The following DCAF10 variants were observed in gnomAD, a reference collection of about 807,000 sequenced individuals.
The protein encoded by DCAF10 is DDB1 and CUL4 associated factor 10.
In DCAF10, 19 loss-of-function variants were observed where a neutral mutation model predicts 51.9. That is an observed-to-expected ratio of 0.37 (90% CI 0.26 to 0.54). The LOEUF is 0.54. DCAF10 is among the 20% of genes least tolerant of loss of function. The pLI, the probability that DCAF10 is intolerant of heterozygous loss-of-function variation, is 0.87. For synonymous variants in DCAF10, 291 were observed against 297.1 expected, an observed-to-expected ratio of 0.98 and a Z score of 0.21; for missense variants, 510 against 730.6, an observed-to-expected ratio of 0.70 and a Z score of 3.48.
intron 2 of DCAF10, among the ~76,000 whole-genome samples, chr9:37,826,132 A>C (rs776825036): frequency 1.1e-4 from 16 of 152,218 alleles, no homozygotes; most frequent in Non-Finnish European, 2.2e-4. Context: ...AAATGAGAAA[A>C]GGTATTTCAA....
rs529099609 is a variant in DCAF10 at position 37,865,575 on chromosome 9, T to C, written c.*4067T>C. 5.9e-5 allele frequency: 9 copies of C among 152,376 alleles called. No homozygotes were observed. Among genetic ancestry groups the C allele is most frequent in the African/African-American group, 2.2e-4 (9 of 41,596 alleles). 9.4% of individuals were successfully genotyped at this position (152,376 alleles called of 1,614,324 possible). On this transcript the variant is annotated 3_prime_UTR_variant, in exon 7 of 7. Transcript: ENST00000377724. ...TTAGTAAATGCAGTACAAATTGTTC[T>C]ACTGTTTTAAAAAGTTTTCCGCAGA...
chr9:37,862,668 A>AT lies in DCAF10; in HGVS notation c.*1161dup, dbSNP rs1352331811. 1.3e-5 allele frequency: 2 copies of AT among 152,252 alleles called. No homozygotes were observed. The highest frequency in any genetic ancestry group is 2.9e-5 in the Non-Finnish European group (2 of 68,056). The allele number at this position is 152,252 out of a possible 1,614,324, so 9.4% of individuals were successfully genotyped here. The stretch of plus-strand genomic sequence containing the variant: ...GTGTTTTGTTATGAAACACGCAAGC[A>AT]TAAAGCAGGACTCAAGCACAAGGCT... On this transcript the variant is annotated 3_prime_UTR_variant, in exon 7 of 7. Coordinates refer to ENST00000377724, the MANE Select transcript of DCAF10 (RefSeq NM_024345.5).
At chr9:37,821,391 A>T (rs1829696746) in intron 2 of DCAF10, among the ~76,000 whole-genome samples, 4 of 152,210 alleles carry the variant, frequency 2.6e-5, no homozygotes. Context: ...GAAACAAAAG[A>T]GATTGAACAA....
At chr9:37,825,022 TAAAAA>T (rs1829811088) in intron 2 of DCAF10, among the ~76,000 whole-genome samples, 1 of 152,098 alleles carries the variant, frequency 6.6e-6, no homozygotes, top group Non-Finnish European at 1.5e-5. Flanking sequence ...ATCAAGCAGA[TAAAAA>T]TTAGGCAGTA....
At chr9:37,804,536 G>A (rs1230032699) in intron 1 of DCAF10, among the ~76,000 whole-genome samples, 3 of 152,114 alleles carry the variant, frequency 2.0e-5, no homozygotes, top group African/African-American at 4.8e-5. Context: ...CAGCACTTTC[G>A]GAGGCTGAGG....
At chr9:37,815,719 TAATAG>T (rs112556904) in intron 1 of DCAF10, among the ~76,000 whole-genome samples, 4,447 of 151,946 alleles carry the variant, frequency 0.029, 214 homozygotes, top group African/African-American at 0.1. Flanking sequence ...AAACCCCAAA[TAATAG>T]AATAGTAAGA....
chr9:37,819,294 G>A lies in DCAF10; in HGVS notation c.546G>A (p.Val182=). ...ATGTGTCATTTGCTTTCAGGTCAGT[G>A]CTGACAGTTGCTTGTGAACAAACTG... ...FNLEYSPDGS[V]LTVACEQTEV... Residue 182 remains valine, a synonymous_variant, in exon 2 of 7, where the codon GTG becomes GTA. Transcript: ENST00000377724. 1 of 1,613,454 alleles carries A rather than the reference G, an allele frequency of 6.2e-7. No individual in the cohort carries two copies.
rs562138110 is a variant in DCAF10 at position 37,864,567 on chromosome 9, G to A, written c.*3059G>A. On this transcript the variant is annotated 3_prime_UTR_variant, in exon 7 of 7. Coordinates refer to ENST00000377724, the MANE Select transcript of DCAF10 (RefSeq NM_024345.5). ...CCACTGTACTCTAGCCTGACCAGCAGAGCGAGACTCTGCCTCAAAAAAAAA... is the reference window on the plus strand; with the variant it reads ...CCACTGTACTCTAGCCTGACCAGCAAAGCGAGACTCTGCCTCAAAAAAAAA... 2.7e-5 allele frequency: 4 copies of A among 146,520 alleles called. No individual in the cohort carries two copies. The highest frequency in any genetic ancestry group is 5.9e-5 in the Non-Finnish European group (4 of 67,336). The allele number at this position is 146,520 out of a possible 1,614,324, so 9.1% of individuals were successfully genotyped here. A position where few individuals can be genotyped will look rare whatever the true frequency, so the allele number is the denominator to read the frequency against.
At chr9:37,860,273 C>G (rs930497974) in intron 6 of DCAF10, 80 bp downstream of exon 6, 4 of 1,557,058 alleles carry the variant, frequency 2.6e-6, no homozygotes, top group Non-Finnish European at 3.5e-6. Context: ...TTAGGCCGAT[C>G]GCTGACTGCA....
At chr9:37,823,241 C>CT in intron 2 of DCAF10, among the ~76,000 whole-genome samples, 1 of 152,156 alleles carries the variant, frequency 6.6e-6, no homozygotes, top group East Asian at 1.9e-4. Flanking sequence ...GCTGAAGGGC[C>CT]TGAGACATCA....
At chr9:37,845,955 A>G (rs1038588191) in intron 3 of DCAF10, among the ~76,000 whole-genome samples, 6 of 152,208 alleles carry the variant, frequency 3.9e-5, no homozygotes, top group Admixed American at 1.3e-4. Flanking sequence ...CAAATAAGAG[A>G]GAACATTCTA....
intron 3 of DCAF10, among the ~76,000 whole-genome samples, chr9:37,846,323 T>C (rs1164003799): frequency 6.6e-6 from 1 of 152,072 alleles, no homozygotes; most frequent in Non-Finnish European, 1.5e-5. Flanking sequence ...GGAGATATCA[T>C]AACCAACCTT....
intron 2 of DCAF10, among the ~76,000 whole-genome samples, chr9:37,834,224 C>T (rs1324608205): frequency 1.3e-5 from 2 of 152,128 alleles, no homozygotes; most frequent in Non-Finnish European, 2.9e-5. Flanking sequence ...GGGAGTGAGA[C>T]ACTGTGCCCA....
At position 37,861,577 on chromosome 9, in the gene DCAF10, T is replaced by C. The variant is rs930903577; in HGVS notation, c.*69T>C. 1 of 1,528,764 alleles carries C rather than the reference T, an allele frequency of 6.5e-7. No individual in the cohort carries two copies. The allele number at this position is 1,528,764 out of a possible 1,614,324, so 94.7% of individuals were successfully genotyped here. A position where few individuals can be genotyped will look rare whatever the true frequency, so the allele number is the denominator to read the frequency against. ...AGGAATTGCTTCAATTTAGATGAAG[T>C]ATTTTCTTTTTAGAAGATCTTATAA... On this transcript the variant is annotated 3_prime_UTR_variant, in exon 7 of 7. Coordinates refer to ENST00000377724, the MANE Select transcript of DCAF10 (RefSeq NM_024345.5). The surrounding 1 kb of genome is among the most constrained non-coding windows in gnomAD (Gnocchi z 4.9).
rs114440035 is a variant in DCAF10, at chr9:37,815,517, C to T, written c.540-3771C>T. ...AAAATTAGCTGGGCATCATGGCACA[C>T]GCCTGCAGTCCCAGCTACCCAGGAG... On this transcript the variant is annotated intron_variant, in intron 1 of 6. Coordinates refer to ENST00000377724, the MANE Select transcript of DCAF10 (RefSeq NM_024345.5). Among the ~76,000 whole-genome samples the T allele has an allele frequency of 8.3e-3, 1,268 of 152,182 alleles. 14 individuals are homozygous for T. The highest frequency in any genetic ancestry group is 0.028 in the African/African-American group (1,176 of 41,514).
At chr9:37,823,676 A>G (rs1471657077) in intron 2 of DCAF10, among the ~76,000 whole-genome samples, 1 of 152,146 alleles carries the variant, frequency 6.6e-6, no homozygotes, top group East Asian at 1.9e-4. Context: ...TGCTAATCAC[A>G]TATGTAATTT....
intron 1 of DCAF10, among the ~76,000 whole-genome samples, chr9:37,809,756 C>T (rs1022517093): frequency 6.6e-6 from 1 of 152,194 alleles, no homozygotes; most frequent in Admixed American, 6.5e-5. Flanking sequence ...TCGCTTGAAC[C>T]CGAGGGGCGG....
At chr9:37,811,052 G>A (rs1193836146) in intron 1 of DCAF10, among the ~76,000 whole-genome samples, 2 of 152,168 alleles carry the variant, frequency 1.3e-5, no homozygotes, top group African/African-American at 4.8e-5. Flanking sequence ...ATATGCAGCT[G>A]AGTGCCGTGG....
At chr9:37,822,009 T>A (rs1006778647) in intron 2 of DCAF10, among the ~76,000 whole-genome samples, 15 of 151,698 alleles carry the variant, frequency 9.9e-5, no homozygotes, top group Admixed American at 8.5e-4. Context: ...AACAAACATA[T>A]GAAAAAATGC....
Sources: allele counts gnomAD v4.1 joint callset (sites outside exome capture counted in the v4.1 genomes callset), GRCh38; gene constraint gnomAD v4.1.1; non-coding constraint Gnocchi (gnomAD v3.1); transcripts MANE v1.5; gene names NCBI Gene and HGNC (gene_info 2026-07-23, HGNC 2026-07-21).